Variants in PLB1 observed in about 807,000 individuals in gnomAD.
PLB1 encodes phospholipase B1.
In PLB1, 242 loss-of-function variants were observed where a neutral mutation model predicts 227.4. The ratio of observed to expected loss-of-function variants is 1.06; its 90% CI spans 0.96 to 1.18. PLB1 has a LOEUF of 1.18. PLB1 is among the 50% of genes most tolerant of loss of function. The pLI, the probability that PLB1 is intolerant of heterozygous loss-of-function variation, is 0.00. For missense variants in PLB1, 1,858 were observed against 1,816.3 expected (o/e 1.02, Z -0.42); for synonymous variants, 757 against 682.2 (o/e 1.11, Z -1.71).
At position 28,585,857 on chromosome 2, in the gene PLB1, G is replaced by A; in HGVS notation, c.1815+15G>A. The stretch of plus-strand genomic sequence containing the variant: ...AGAAGTTTCAGGTAAGCCGGGAAGG[G>A]GTTCTAAGACTTCCCAGAACTGCTG... On this transcript the variant is annotated intron_variant, in intron 26 of 57. Coordinates refer to ENST00000327757, the MANE Select transcript of PLB1 (RefSeq NM_153021.5). 6.3e-7 allele frequency: 1 copy of A among 1,574,992 alleles called. No individual in the cohort carries two copies. Among genetic ancestry groups the A allele is most frequent in the Non-Finnish European group, 8.7e-7 (1 of 1,144,560 alleles).
chr2:28,537,838 G>C (rs376766931), intron 9 of PLB1, among the ~76,000 whole-genome samples: 3 of 152,146 alleles, frequency 2.0e-5, no homozygotes, highest in Middle Eastern at 3.4e-3. Context: ...TTATCTTAGG[G>C]CAAACACAGC....
intron 33 of PLB1, chr2:28,595,708 C>T (rs1682794887): frequency 6.6e-6 from 1 of 152,030 alleles, no homozygotes; most frequent in Non-Finnish European, 1.5e-5. Flanking sequence ...GTTAAAGCTT[C>T]TAGATTGGAC....
intron 1 of PLB1, among the ~76,000 whole-genome samples, chr2:28,501,325 C>A (rs1667073602): frequency 6.6e-6 from 1 of 152,140 alleles, no homozygotes; most frequent in African/African-American, 2.4e-5. Context: ...CCACCAACAA[C>A]AAATGAAGTT....
intron 2 of PLB1, among the ~76,000 whole-genome samples, chr2:28,517,919 G>A (rs1308988408): frequency 1.4e-5 from 2 of 145,792 alleles, no homozygotes; most frequent in Admixed American, 1.4e-4. Context: ...TTGTTGCCCA[G>A]GCTGCAGGGC....
chr2:28,519,924 A>ATTAT (rs1553402653), intron 4 of PLB1, among the ~76,000 whole-genome samples, 161 bp downstream of exon 4: 82 of 151,448 alleles, frequency 5.4e-4, no homozygotes, highest in Middle Eastern at 3.4e-3. Context: ...ATTTTATTTT[A>ATTAT]TTATTTATTT....
intron 54 of PLB1, 73 bp downstream of exon 54, chr2:28,630,737 T>C: frequency 7.8e-7 from 1 of 1,284,958 alleles, no homozygotes; most frequent in Non-Finnish European, 1.1e-6. Flanking sequence ...GGAAATCGAA[T>C]GCCCAGCAGG....
intron 52 of PLB1, 77 bp downstream of exon 52, chr2:28,628,705 A>C (rs1201177528): frequency 7.0e-7 from 1 of 1,431,038 alleles, no homozygotes; most frequent in Non-Finnish European, 9.8e-7. Flanking sequence ...GTGTTCAGTG[A>C]GATGCTCACG....
intron 15 of PLB1, 97 bp downstream of exon 15, chr2:28,549,028 T>A: frequency 1.9e-6 from 2 of 1,054,930 alleles, no homozygotes; most frequent in East Asian, 2.4e-5. Flanking sequence ...TTACCTGAGA[T>A]GTGAATCCTG....
intron 44 of PLB1, among the ~76,000 whole-genome samples, chr2:28,616,783 A>G (rs1426565517): frequency 6.6e-6 from 1 of 152,228 alleles, no homozygotes; most frequent in Admixed American, 6.5e-5. Flanking sequence ...GGAAAAAACC[A>G]AATTCCATAG....
chr2:28,606,657 G>A, intron 43 of PLB1, 90 bp downstream of exon 43: 5 of 1,201,446 alleles, frequency 4.2e-6, no homozygotes, highest in Non-Finnish European at 6.2e-6. Flanking sequence ...AGCTTCCTCA[G>A]TACCCATCTT....
At chr2:28,581,838 A>G (rs1918874) in intron 23 of PLB1, among the ~76,000 whole-genome samples, 60,789 of 151,700 alleles carry the variant, frequency 0.4, 13,000 homozygotes, top group African/African-American at 0.56. Context: ...GCACGCACCC[A>G]TGGTCCCAGT....
At chr2:28,527,098 G>A (rs867463722) in intron 6 of PLB1, among the ~76,000 whole-genome samples, 1 of 152,054 alleles carries the variant, frequency 6.6e-6, no homozygotes, top group African/African-American at 2.4e-5. Flanking sequence ...GAAGCGGCTT[G>A]TTTGGGGGGT....
At chr2:28,575,819 G>C (rs1031669058) in intron 21 of PLB1, among the ~76,000 whole-genome samples, 1 of 152,194 alleles carries the variant, frequency 6.6e-6, no homozygotes, top group Non-Finnish European at 1.5e-5. Context: ...CCAAAGTGCT[G>C]GGATTACAGG....
chr2:28,624,995 C>T (rs1279996160), intron 49 of PLB1, 62 bp from the exon 50 acceptor site: 1 of 1,500,938 alleles, frequency 6.7e-7, no homozygotes, highest in Non-Finnish European at 9.3e-7. Flanking sequence ...GGCCAAAATC[C>T]CATGTCGTGA....
At chr2:28,567,229 G>A (rs1047213980) in intron 20 of PLB1, among the ~76,000 whole-genome samples, 1 of 144,682 alleles carries the variant, frequency 6.9e-6, no homozygotes, top group Non-Finnish European at 1.5e-5. Context: ...AAAGAAACCC[G>A]GTTGTGCGGC....
intron 45 of PLB1, 130 bp downstream of exon 45, chr2:28,617,917 C>T (rs542419771): frequency 1.1e-5 from 10 of 900,702 alleles, no homozygotes; most frequent in East Asian, 1.0e-4. Context: ...AGACCTAGAT[C>T]CTGCGGCCTG....
rs765580314 is a variant in PLB1, at chr2:28,540,402, C to T, written c.735C>T (p.Thr245=). 2.5e-6 allele frequency: 4 copies of T among 1,614,072 alleles called. No homozygotes were observed. Among genetic ancestry groups the T allele is most frequent in the South Asian group, 1.1e-5 (1 of 91,078 alleles). Residue 245 remains threonine (T), a synonymous_variant, in exon 12 of 58, where the codon ACC becomes ACT. Transcript: ENST00000327757. ...AGCCCTGTAATTGCTCAGAGGAGAC[C>T]ACCCGGCTGGCCAAGGTGGTGATGC... ...APEPCNCSEE[T]TRLAKVVMQW... is the part of the protein sequence containing the mutation.
At chr2:28,620,530 C>G (rs1686888185) in intron 47 of PLB1, 70 bp from the exon 48 acceptor site, 5 of 1,545,488 alleles carry the variant, frequency 3.2e-6, no homozygotes, top group Non-Finnish European at 4.4e-6. Flanking sequence ...CCGGTTCTGG[C>G]TTGTGCATAT....
At chr2:28,523,281 A>G (rs1669771882) in intron 4 of PLB1, among the ~76,000 whole-genome samples, 1 of 149,706 alleles carries the variant, frequency 6.7e-6, no homozygotes, top group Non-Finnish European at 1.5e-5. Flanking sequence ...ATAGGGAAAT[A>G]GGGTGTATAT....
Sources: gnomAD v4.1 joint callset for allele counts (sites outside exome capture counted in the v4.1 genomes callset) on GRCh38, gnomAD v4.1.1 for gene constraint, MANE v1.5 for transcripts, NCBI Gene and HGNC (gene_info 2026-07-23, HGNC 2026-07-21) for gene names.